KCTD8: variants seen among roughly 807,000 people sequenced by gnomAD.
KCTD8 encodes potassium channel tetramerization domain containing 8.
In KCTD8, 27 loss-of-function variants were observed where a neutral mutation model predicts 31.5. The ratio of observed to expected loss-of-function variants is 0.86; its 90% confidence interval spans 0.63 to 1.18. The LOEUF is 1.18. KCTD8 is among the 50% of genes most tolerant of loss of function. The probability of loss-of-function intolerance (pLI) is 0.00; values close to 1 mark genes in which losing one functional copy is unlikely to be tolerated. For synonymous variants in KCTD8, 290 were observed against 280.0 expected, an observed-to-expected ratio of 1.04 and a Z score of -0.36; for missense variants, 658 against 647.7, an observed-to-expected ratio of 1.02 and a Z score of -0.17.
chr4:44,393,667 A>T (rs1189776385), intron 1 of KCTD8, among the ~76,000 whole-genome samples: 1 of 151,832 alleles, frequency 6.6e-6, no homozygotes, highest in African/African-American at 2.4e-5. Context: ...AATGGTAGTT[A>T]TCAGAATATT....
Position 44,448,294 on chromosome 4 carries a change from G to A in KCTD8, c.230C>T (p.Ser77Phe), listed in dbSNP as rs746687835. The A allele has an allele frequency of 3.1e-6, 5 of 1,608,186 alleles. No individual in the cohort carries two copies. Among genetic ancestry groups the A allele is most frequent in the Non-Finnish European group, 4.2e-6 (5 of 1,178,122 alleles). Residue 77 changes from serine (S) to phenylalanine (F), a missense_variant, in exon 1 of 2, where the codon TCT (serine) becomes TTT (phenylalanine). Physicochemically the swap from Ser to Phe is radical, Grantham distance 155. Transcript: ENST00000360029. The surrounding 1 kb of genome is among the most constrained non-coding windows in gnomAD (Gnocchi z 4.1). ...DSTLASMFSP[S>F]SPRGGARRRG... ...GCGCCGGGCGCCGCCACGGGGACTA[G>A]AGGGCGAGAACATGCTGGCCAAAGT... is the stretch of plus-strand genomic sequence containing the variant.
intron 1 of KCTD8, among the ~76,000 whole-genome samples, chr4:44,330,020 C>G (rs1028893870): frequency 2.0e-5 from 3 of 151,784 alleles, no homozygotes; most frequent in Non-Finnish European, 2.9e-5. Context: ...CCACTATACC[C>G]ACTGTATGTT....
chr4:44,200,007 T>C lies in KCTD8; in HGVS notation c.962-24757A>G, dbSNP rs930543164. ...ATTAGACAGAAATAAAAAAAGATCCTGAAAGGGTACTGTAAACACCTCTGT... is the reference window on the plus strand; with the variant it reads ...ATTAGACAGAAATAAAAAAAGATCCCGAAAGGGTACTGTAAACACCTCTGT... On this transcript the variant is annotated intron_variant, in intron 1 of 1. Transcript: ENST00000360029. Among the ~76,000 whole-genome samples, 7 of 151,696 alleles carry C rather than the reference T, an allele frequency of 4.6e-5. No homozygotes were observed. In the East Asian group the frequency reaches 1.2e-3, roughly 25 times the overall value.
intron 1 of KCTD8, among the ~76,000 whole-genome samples, chr4:44,228,791 ACT>A (rs1458022140): frequency 1.3e-5 from 2 of 151,790 alleles, no homozygotes; most frequent in Admixed American, 1.3e-4. Flanking sequence ...TTTGCTTTAG[ACT>A]CTCTGTGCCT....
chr4:44,416,381 G>A (rs2109467507), intron 1 of KCTD8, among the ~76,000 whole-genome samples: 1 of 152,264 alleles, frequency 6.6e-6, no homozygotes, highest in Middle Eastern at 3.4e-3. Flanking sequence ...GGACTATTAA[G>A]GGATTATTGT....
Position 44,263,461 on chromosome 4 carries a change from T to C in KCTD8, c.962-88211A>G, listed in dbSNP as rs151015685. Among the ~76,000 whole-genome samples the C allele has an allele frequency of 4.6e-5, 7 of 152,286 alleles. No homozygotes were observed. In the East Asian group the frequency reaches 1.4e-3, roughly 29 times the overall value. On this transcript the variant is annotated intron_variant, in intron 1 of 1. Coordinates refer to ENST00000360029, the MANE Select transcript of KCTD8 (RefSeq NM_198353.3). ...ACTTCTTAATCGTTTGCTGTTGCAT[T>C]AAGCCTTTTAAACCCAGATTTAAAC...
At chr4:44,232,045 G>A (rs1715132891) in intron 1 of KCTD8, among the ~76,000 whole-genome samples, 1 of 151,918 alleles carries the variant, frequency 6.6e-6, no homozygotes, top group African/African-American at 2.4e-5. Context: ...GAAAGATTTG[G>A]GCAGAAGGGA....
At chr4:44,312,175 G>T (rs1374180828) in intron 1 of KCTD8, among the ~76,000 whole-genome samples, 1 of 152,034 alleles carries the variant, frequency 6.6e-6, no homozygotes, top group African/African-American at 2.4e-5. Context: ...ATGATATATA[G>T]AGCTCTTTGG....
At chr4:44,270,247 T>C (rs1716543982) in intron 1 of KCTD8, among the ~76,000 whole-genome samples, 1 of 151,992 alleles carries the variant, frequency 6.6e-6, no homozygotes, top group Non-Finnish European at 1.5e-5. Flanking sequence ...TGTAGGGACA[T>C]GGATGAAATT....
Position 44,314,787 on chromosome 4 carries a change from T to C in KCTD8, c.961+132776A>G, listed in dbSNP as rs1490447. On this transcript the variant is annotated intron_variant, in intron 1 of 1. Coordinates refer to ENST00000360029, the MANE Select transcript of KCTD8 (RefSeq NM_198353.3). ...AGATTTATAATATTATTTTTAATGG[T>C]TGGATGATATTCCATTGTATGAATA... Among the ~76,000 whole-genome samples the C allele has an allele frequency of 7.8e-3, 1,178 of 151,866 alleles. 11 individuals are homozygous for C. Among genetic ancestry groups the C allele is most frequent in the African/African-American group, 0.027 (1,123 of 41,500 alleles).
intron 1 of KCTD8, among the ~76,000 whole-genome samples, chr4:44,244,614 G>T (rs1037600574): frequency 6.6e-6 from 1 of 152,084 alleles, no homozygotes; most frequent in African/African-American, 2.4e-5. Flanking sequence ...CTCTCCCAAT[G>T]ATTTGCTATG....
rs1368677595 is a variant in KCTD8, at chr4:44,339,625, CACA to C, written c.961+107935_961+107937del. Reference sequence around the variant, plus strand: ...TTAACACTCTTCTCTCAGTAATTAACACAACAAGGAGACAAAAATATCCATACT... The same window carrying C: ...TTAACACTCTTCTCTCAGTAATTAACACAAGGAGACAAAAATATCCATACT... On this transcript the variant is annotated intron_variant, in intron 1 of 1. Transcript: ENST00000360029. 3.3e-5 allele frequency among the ~76,000 whole-genome samples: 5 copies of C among 151,976 alleles called. No individual in the cohort carries two copies. The East Asian group carries it at 7.7e-4, about 23-fold the overall frequency.
chr4:44,220,459 T>C (rs1181915836), intron 1 of KCTD8, among the ~76,000 whole-genome samples: 1 of 152,208 alleles, frequency 6.6e-6, no homozygotes, highest in Non-Finnish European at 1.5e-5. Flanking sequence ...AATCTGATCG[T>C]ATCCAAAACA....
chr4:44,220,279 G>A (rs1714770607), intron 1 of KCTD8, among the ~76,000 whole-genome samples: 1 of 152,120 alleles, frequency 6.6e-6, no homozygotes. Flanking sequence ...AGTAAAAGAG[G>A]CAAGTCTGGG....
chr4:44,420,654 A>T (rs1193516114), intron 1 of KCTD8, among the ~76,000 whole-genome samples: 1 of 152,156 alleles, frequency 6.6e-6, no homozygotes, highest in Non-Finnish European at 1.5e-5. Context: ...TAGGAGCTGC[A>T]AATACAGGGG....
chr4:44,363,329 A>G (rs954314152), intron 1 of KCTD8, among the ~76,000 whole-genome samples: 1 of 151,652 alleles, frequency 6.6e-6, no homozygotes. Context: ...CATTAAAAAC[A>G]TATCTTTGAT....
intron 1 of KCTD8, among the ~76,000 whole-genome samples, chr4:44,195,183 C>G (rs1475632234): frequency 7.0e-6 from 1 of 142,950 alleles, no homozygotes; most frequent in Non-Finnish European, 1.6e-5. Flanking sequence ...TACCTAAATA[C>G]ATACTTTTTT....
At chr4:44,396,802 A>C (rs1467746239) in intron 1 of KCTD8, among the ~76,000 whole-genome samples, 1 of 152,170 alleles carries the variant, frequency 6.6e-6, no homozygotes, top group Admixed American at 6.5e-5. Context: ...TGCAGTGGAA[A>C]TATAAATTGT....
At chr4:44,189,673 C>T (rs1338316304) in intron 1 of KCTD8, among the ~76,000 whole-genome samples, 1 of 151,648 alleles carries the variant, frequency 6.6e-6, no homozygotes, top group Admixed American at 6.6e-5. Context: ...AATCACAGAA[C>T]TGTCTCTCTC....
Sources: gnomAD v4.1 joint callset for allele counts (sites outside exome capture counted in the v4.1 genomes callset) on GRCh38, gnomAD v4.1.1 for gene constraint, Gnocchi (gnomAD v3.1) non-coding constraint, MANE v1.5 for transcripts, NCBI Gene and HGNC (gene_info 2026-07-23, HGNC 2026-07-21) for gene names.